Variants in CALCOCO1 observed in about 807,000 individuals in gnomAD.
The protein encoded by CALCOCO1 is calcium binding and coiled-coil domain 1, also known as calcium-binding and coiled-coil domain-containing protein 1.
Under a neutral mutation model 86.3 loss-of-function variants are expected in CALCOCO1, and 44 were observed. That is an observed-to-expected ratio of 0.51 (90% CI 0.40 to 0.66). CALCOCO1 has a LOEUF of 0.66. CALCOCO1 is among the 30% of genes least tolerant of loss of function. The pLI, the probability that CALCOCO1 is intolerant of heterozygous loss-of-function variation, is 0.00. For synonymous variants in CALCOCO1, 297 were observed against 327.6 expected, an observed-to-expected ratio of 0.91 and a Z score of 1.01; for missense variants, 708 against 851.1, an observed-to-expected ratio of 0.83 and a Z score of 2.09.
At chr12:53,720,066 A>G (rs1351588177) in intron 6 of CALCOCO1, among the ~76,000 whole-genome samples, 1 of 152,230 alleles carries the variant, frequency 6.6e-6, no homozygotes, top group Non-Finnish European at 1.5e-5. Context: ...GTAATATTTT[A>G]AGGAATGTTT....
chr12:53,721,902 T>G (rs2293442), intron 5 of CALCOCO1, 123 bp downstream of exon 5: 19,048 of 1,155,156 alleles, frequency 0.016, 1,097 homozygotes, highest in African/African-American at 0.14. Context: ...TAAACCTATT[T>G]CCTTGATGCC....
chr12:53,713,787 C>G lies in CALCOCO1; in HGVS notation c.1705G>C (p.Glu569Gln). ...DPGSSPAGPR[E>Q]ASPLVVISQP... The stretch of plus-strand genomic sequence containing the variant: ...CTGATGACAACAAGGGGAGAAGCCT[C>G]TCGAGGCCCAGCAGGAGAGGAGCCT... Residue 569 changes from glutamate to glutamine, a missense_variant, in exon 13 of 15, where the codon GAG (glutamate) becomes CAG (glutamine). Physicochemically the swap from Glu to Gln is conservative, Grantham distance 29. Transcript: ENST00000550804. 1.9e-6 allele frequency: 3 copies of G among 1,603,542 alleles called. No individual in the cohort carries two copies. The highest frequency in any genetic ancestry group is 2.6e-6 in the Non-Finnish European group (3 of 1,175,028).
chr12:53,724,567 T>C, intron 3 of CALCOCO1, 78 bp downstream of exon 3: 1 of 1,030,856 alleles, frequency 9.7e-7, no homozygotes, highest in Non-Finnish European at 1.5e-6. Context: ...TAACTTTTAA[T>C]GTTTCTGAGC....
chr12:53,727,237 G>T (rs117061364), intron 1 of CALCOCO1, among the ~76,000 whole-genome samples, 167 bp downstream of exon 1: 1 of 152,256 alleles, frequency 6.6e-6, no homozygotes, highest in East Asian at 1.9e-4. Context: ...TTGAAACCAA[G>T]AACTCCCCAA....
At position 53,721,511 on chromosome 12, in the gene CALCOCO1, C is replaced by T; in HGVS notation, c.714G>A (p.Gln238=). 6.2e-7 allele frequency: 1 copy of T among 1,613,698 alleles called. No individual in the cohort carries two copies. Among genetic ancestry groups the T allele is most frequent in the Non-Finnish European group, 8.5e-7 (1 of 1,179,858 alleles). ...TCGTCAGCACTTTCTCACTGATGGT[C>T]TGGATGTCATCCTCTAGCTCCAGGA... ...ARILELEDDI[Q]TISEKVLTKE... The change falls in exon 6 of 15, where the codon CAG becomes CAA. Residue 238 remains glutamine, a synonymous_variant. Transcript: ENST00000550804.
chr12:53,722,898 A>C (rs1400641784), intron 4 of CALCOCO1: 1 of 432,208 alleles, frequency 2.3e-6, no homozygotes, highest in African/African-American at 2.1e-5. Flanking sequence ...TCTTTCACTT[A>C]CGTGAGATAT....
intron 3 of CALCOCO1, chr12:53,724,147 C>T: frequency 2.4e-6 from 1 of 416,366 alleles, no homozygotes; most frequent in Non-Finnish European, 4.6e-6. Context: ...TCTCCTGCCT[C>T]AGCCTTGTGA....
intron 7 of CALCOCO1, among the ~76,000 whole-genome samples, chr12:53,717,982 G>A (rs903465158): frequency 5.3e-5 from 8 of 152,140 alleles, no homozygotes; most frequent in Non-Finnish European, 4.4e-5. Flanking sequence ...CCGAGATCGC[G>A]CCACTGCACT....
intron 9 of CALCOCO1, 77 bp downstream of exon 9, chr12:53,715,716 G>A: frequency 6.4e-7 from 1 of 1,564,208 alleles, no homozygotes; most frequent in African/African-American, 1.3e-5. Context: ...CTCCCAGAGG[G>A]TCTGACCACA....
intron 10 of CALCOCO1, 58 bp from the exon 11 acceptor site, chr12:53,714,751 A>T: frequency 1.6e-6 from 2 of 1,278,508 alleles, no homozygotes; most frequent in Non-Finnish European, 2.3e-6. Context: ...AAGAACCTGG[A>T]CTCTGGGACC....
At chr12:53,721,922 G>A in intron 5 of CALCOCO1, 103 bp downstream of exon 5, 1 of 1,352,056 alleles carries the variant, frequency 7.4e-7, no homozygotes, top group Non-Finnish European at 1.0e-6. Context: ...CAGAACCATT[G>A]TAAAAGCCCA....
intron 11 of CALCOCO1, 120 bp downstream of exon 11, chr12:53,714,478 G>C (rs1238798055): frequency 9.3e-6 from 7 of 752,896 alleles, no homozygotes; most frequent in South Asian, 5.1e-5. Flanking sequence ...AGAGAAGCCA[G>C]GGTACGGGCC....
In CALCOCO1 at chr12:53,716,403, C is replaced by T; in HGVS notation, c.862G>A (p.Val288Met). ...DKEQSEAELQVAQQENHHLNL... is the reference protein window; with the variant it reads ...DKEQSEAELQMAQQENHHLNL... ...AAGTGATGGTTCTCCTGTTGTGCCACTTGGAGCTCAGCCTGAGGGAAGTGG... is the reference window on the plus strand; with the variant it reads ...AAGTGATGGTTCTCCTGTTGTGCCATTTGGAGCTCAGCCTGAGGGAAGTGG... The change falls in exon 8 of 15, where the codon GTG (valine) becomes ATG (methionine). Residue 288 changes from valine (V) to methionine (M), a missense_variant. By Grantham distance (21) the Val-to-Met change is conservative. Coordinates refer to ENST00000550804, the MANE Select transcript of CALCOCO1 (RefSeq NM_020898.3). 1 of 1,614,148 alleles carries T rather than the reference C, an allele frequency of 6.2e-7. No homozygotes were observed. Among genetic ancestry groups the T allele is most frequent in the East Asian group, 2.2e-5 (1 of 44,880 alleles).
rs1945516507 is a variant in CALCOCO1 at position 53,709,856 on chromosome 12, TC to T, written c.*2087del. On this transcript the variant is annotated 3_prime_UTR_variant, in exon 15 of 15. Transcript: ENST00000550804. ...CTCACTGGAAGCCAGGAGGTGTGGG[TC>T]CCAGATTCTTCTCGCCCCAACCTCC... The T allele has an allele frequency of 6.6e-6, 1 of 152,168 alleles. No individual in the cohort carries two copies. The highest frequency in any genetic ancestry group is 1.5e-5 in the Non-Finnish European group (1 of 68,044). 9.4% of individuals were successfully genotyped at this position (152,168 alleles called of 1,614,324 possible).
rs748616976 is a variant in CALCOCO1, at chr12:53,722,102, T to A, written c.532A>T (p.Arg178Trp). The A allele has an allele frequency of 1.2e-6, 2 of 1,613,966 alleles. No homozygotes were observed. The highest frequency in any genetic ancestry group is 4.5e-5 in the East Asian group (2 of 44,882). The change falls in exon 5 of 15, where the codon AGG becomes TGG. Residue 178 changes from arginine to tryptophan, a missense_variant. Physicochemically the swap from Arg to Trp is moderately radical, Grantham distance 101. Transcript: ENST00000550804. ...CTCTCGAGCTCCTGCACTCGGCTCCTCAGCTCTGTCACCTGTCCCTCCAGC... is the reference window on the plus strand; with the variant it reads ...CTCTCGAGCTCCTGCACTCGGCTCCACAGCTCTGTCACCTGTCCCTCCAGC... ...LQLEGQVTEL[R>W]SRVQELERAL... is the part of the protein sequence containing the mutation.
At chr12:53,726,042 G>A (rs188319906) in intron 1 of CALCOCO1, among the ~76,000 whole-genome samples, 1 of 152,216 alleles carries the variant, frequency 6.6e-6, no homozygotes, top group Admixed American at 6.5e-5. Context: ...TAGCAGGAAC[G>A]TGGTGGGGGT....
intron 7 of CALCOCO1, among the ~76,000 whole-genome samples, chr12:53,717,743 C>T (rs1186697448): frequency 6.6e-6 from 1 of 152,164 alleles, no homozygotes; most frequent in East Asian, 1.9e-4. Context: ...AACACAAGGC[C>T]AGGTGCAGTG....
chr12:53,724,970 A>T (rs1414721767), intron 2 of CALCOCO1, 117 bp downstream of exon 2: 13 of 1,220,370 alleles, frequency 1.1e-5, no homozygotes, highest in Non-Finnish European at 1.5e-5. Flanking sequence ...CATCTGTGAC[A>T]TCTTTCTCTC....
intron 5 of CALCOCO1, 169 bp from the exon 6 acceptor site, chr12:53,721,784 G>A (rs1023126209): frequency 1.1e-6 from 1 of 880,932 alleles, no homozygotes; most frequent in Non-Finnish European, 1.8e-6. Context: ...CTATCAACGT[G>A]GCCACCTCCA....
Sources: allele counts gnomAD v4.1 joint callset (sites outside exome capture counted in the v4.1 genomes callset), GRCh38; gene constraint gnomAD v4.1.1; transcripts MANE v1.5; gene names NCBI Gene and HGNC (gene_info 2026-07-23, HGNC 2026-07-21).